TRMT11: variants seen among roughly 807,000 people sequenced by gnomAD.
TRMT11 encodes the protein tRNA (guanine(10)-N(2))-methyltransferase TRMT11.
Under a neutral mutation model 62.8 loss-of-function variants are expected in TRMT11, and 53 were observed. The ratio of observed to expected loss-of-function variants is 0.84; its 90% CI spans 0.68 to 1.06. The LOEUF is 1.06. TRMT11 is among the 50% of genes least tolerant of loss of function. TRMT11 has a pLI of 0.00. For missense variants in TRMT11, 556 were observed against 553.4 expected, an observed-to-expected ratio of 1.00 and a Z score of -0.05; for synonymous variants, 188 against 190.3, an observed-to-expected ratio of 0.99 and a Z score of 0.10.
the TRMT11 span, chr6:126,258,413 G>C: frequency 3.0e-6 from 1 of 333,368 alleles, no homozygotes; most frequent in South Asian, 2.6e-5. Context: ...GGCTCCTGGT[G>C]GCTGGCCCGG....
At chr6:126,256,172 G>C in the TRMT11 span, among the ~76,000 whole-genome samples, 1 of 152,210 alleles carries the variant, frequency 6.6e-6, no homozygotes, top group Non-Finnish European at 1.5e-5. Context: ...TGGGCTACTT[G>C]AGTGTCTTTA....
chr6:126,236,890 G>T, the TRMT11 span, among the ~76,000 whole-genome samples: 1 of 152,120 alleles, frequency 6.6e-6, no homozygotes, highest in Non-Finnish European at 1.5e-5. Context: ...ATGGTCTGCT[G>T]CAGGGATGTC....
At chr6:126,183,417 T>C (rs923200754) in intron 1 of TRMT11, among the ~76,000 whole-genome samples, 1 of 152,232 alleles carries the variant, frequency 6.6e-6, no homozygotes, top group Admixed American at 6.5e-5. Context: ...GTTGGGGTGT[T>C]GCATTGACCA....
At chr6:126,230,878 A>C in the TRMT11 span, among the ~76,000 whole-genome samples, 2 of 152,192 alleles carry the variant, frequency 1.3e-5, no homozygotes, top group African/African-American at 4.8e-5. Flanking sequence ...CTTAACTTCT[A>C]ATCATGAGTT....
intron 16 of TRMT11, among the ~76,000 whole-genome samples, chr6:126,049,085 G>T (rs1386673699): frequency 2.6e-5 from 4 of 152,190 alleles, no homozygotes; most frequent in Non-Finnish European, 4.4e-5. Context: ...CAGGCATCTG[G>T]AATCTATGAG....
the TRMT11 span, among the ~76,000 whole-genome samples, chr6:126,216,813 C>A: frequency 6.6e-6 from 1 of 152,124 alleles, no homozygotes; most frequent in African/African-American, 2.4e-5. Context: ...CTGTTCTTAT[C>A]CCTCTCAATA....
At chr6:126,117,314 A>G (rs1451424802) in intron 21 of TRMT11, among the ~76,000 whole-genome samples, 1 of 152,096 alleles carries the variant, frequency 6.6e-6, no homozygotes, top group Non-Finnish European at 1.5e-5. Flanking sequence ...GATACTGAGC[A>G]ACACTGCAGC....
At chr6:126,207,909 A>C (rs557211198), downstream of TRMT11, among the ~76,000 whole-genome samples, 1 of 152,346 alleles carries the variant, frequency 6.6e-6, no homozygotes, top group South Asian at 2.1e-4. Context: ...GAAATAGAAA[A>C]ATAAATCTGC....
the TRMT11 span, among the ~76,000 whole-genome samples, chr6:126,266,714 A>C: frequency 6.6e-6 from 1 of 152,328 alleles, no homozygotes; most frequent in Admixed American, 6.5e-5. Flanking sequence ...CTGGAACATA[A>C]TCAAATTTTA....
intron 1 of TRMT11, among the ~76,000 whole-genome samples, chr6:126,178,488 C>T (rs1423066495): frequency 1.3e-5 from 2 of 152,170 alleles, no homozygotes; most frequent in Non-Finnish European, 2.9e-5. Flanking sequence ...GTCTACCTCC[C>T]AGGGAAACAT....
At chr6:126,022,290 G>T (rs1795949149) in intron 12 of TRMT11, among the ~76,000 whole-genome samples, 1 of 151,538 alleles carries the variant, frequency 6.6e-6, no homozygotes, top group Admixed American at 6.6e-5. Flanking sequence ...TTCTTGATCT[G>T]CCTGTCTTGG....
chr6:126,109,872 C>T (rs1057348144), intron 17 of TRMT11, among the ~76,000 whole-genome samples: 38 of 152,150 alleles, frequency 2.5e-4, no homozygotes, highest in African/African-American at 8.9e-4. Context: ...ACTTGGTACT[C>T]TAACTCCAGG....
At chr6:126,241,887 C>T in the TRMT11 span, among the ~76,000 whole-genome samples, 1 of 152,082 alleles carries the variant, frequency 6.6e-6, no homozygotes, top group Non-Finnish European at 1.5e-5. Context: ...ACAGGGATGC[C>T]CTCTCTCACC....
chr6:126,056,639 G>A (rs1776382766), intron 17 of TRMT11, among the ~76,000 whole-genome samples: 2 of 152,234 alleles, frequency 1.3e-5, no homozygotes, highest in South Asian at 4.2e-4. Flanking sequence ...CTTAGGCCAG[G>A]CGTGAAAGTT....
At chr6:126,180,837 C>A (rs73771409) in intron 1 of TRMT11, among the ~76,000 whole-genome samples, 19,298 of 152,132 alleles carry the variant, frequency 0.13, 4,059 homozygotes, top group African/African-American at 0.44. Context: ...CATGTAATAG[C>A]AACATGACTC....
chr6:126,036,077 T>G (rs1775133224), intron 12 of TRMT11, among the ~76,000 whole-genome samples: 1 of 152,074 alleles, frequency 6.6e-6, no homozygotes, highest in Admixed American at 6.6e-5. Flanking sequence ...TTCTAGAATA[T>G]TCCATGAAGT....
intron 12 of TRMT11, among the ~76,000 whole-genome samples, chr6:126,027,531 A>G (rs1773411770): frequency 6.6e-6 from 1 of 152,160 alleles, no homozygotes. Flanking sequence ...TTCACATGCT[A>G]CCTTATATTC....
rs373672415 is a variant in TRMT11, at chr6:126,109,703, A to G, written c.*1438-3163A>G. ...AACTTCCTGATCTGTAAGTATCAGG[A>G]TCAGTCATGGAAAGTGGTGCCTGGC... On this transcript the variant is annotated intron_variant and NMD_transcript_variant, in intron 17 of 22. Coordinates refer to the TRMT11 transcript ENST00000648977. 1.2e-4 allele frequency among the ~76,000 whole-genome samples: 18 copies of G among 152,306 alleles called. No homozygotes were observed. In the South Asian group the frequency reaches 1.7e-3, roughly 14 times the overall value.
downstream of TRMT11, among the ~76,000 whole-genome samples, chr6:126,044,195 G>A (rs545542692): frequency 1.7e-4 from 26 of 152,168 alleles, no homozygotes; most frequent in South Asian, 6.2e-4. Context: ...TAGGTCTAAC[G>A]TTTAAGTCTT....
Sources: gnomAD v4.1 joint callset for allele counts (sites outside exome capture counted in the v4.1 genomes callset) on GRCh38, gnomAD v4.1.1 for gene constraint, MANE v1.5 for transcripts, NCBI Gene and HGNC (gene_info 2026-07-23, HGNC 2026-07-21) for gene names.